The following NEIL3 variants were observed in gnomAD, a reference collection of about 807,000 sequenced individuals.
NEIL3 encodes nei like DNA glycosylase 3.
Under a neutral mutation model 57.5 loss-of-function variants are expected in NEIL3, and 48 were observed. That is an observed-to-expected ratio of 0.83 (90% CI 0.66 to 1.06). NEIL3 has a LOEUF of 1.06. NEIL3 is among the 50% of genes least tolerant of loss of function. The probability of loss-of-function intolerance (pLI) is 0.00; values close to 1 mark genes in which losing one functional copy is unlikely to be tolerated. For synonymous variants in NEIL3, 261 were observed against 253.2 expected (o/e 1.03, Z -0.29); for missense variants, 717 against 739.1 (o/e 0.97, Z 0.35).
At chr4:177,357,884 T>G (rs1735510712) in intron 8 of NEIL3, among the ~76,000 whole-genome samples, 1 of 152,188 alleles carries the variant, frequency 6.6e-6, no homozygotes, top group Admixed American at 6.5e-5. Context: ...AAAATCATGG[T>G]CATGATCACG....
chr4:177,310,045 C>G lies in NEIL3; in HGVS notation c.92C>G (p.Ala31Gly). 5.0e-6 allele frequency: 8 copies of G among 1,609,370 alleles called. No individual in the cohort carries two copies. The highest frequency in any genetic ancestry group is 6.8e-6 in the Non-Finnish European group (8 of 1,178,548). ...GQAVTGVRGS[A>G]LRSLQGRALR... ...GCGGTGACCGGCGTGCGGGGAAGCG[C>G]TCTGCGGAGTCTGCAGGGCCGCGCC... Residue 31 changes from alanine to glycine, a missense_variant, in exon 1 of 10, where the codon GCT becomes GGT. Transcript: ENST00000264596.
At chr4:177,363,785 C>CT (rs1170037942), downstream of NEIL3, among the ~76,000 whole-genome samples, 1 of 152,136 alleles carries the variant, frequency 6.6e-6, no homozygotes, top group Non-Finnish European at 1.5e-5. Flanking sequence ...GGGTCTCACT[C>CT]TGTCCCCCAG....
Position 177,349,158 on chromosome 4 carries a change from A to C in NEIL3, c.870-2222A>C, listed in dbSNP as rs1182295959. Among the ~76,000 whole-genome samples, 28 of 151,194 alleles carry C rather than the reference A, an allele frequency of 1.9e-4. 1 individual carries two copies. Among genetic ancestry groups the C allele is most frequent in the Non-Finnish European group, 1.5e-5 (1 of 67,950 alleles). ...CGGCCTCCCAAAGTGCTGGGATTAC[A>C]GGCGTGAGCCACCGCGCCCGGCCTC... On this transcript the variant is annotated intron_variant, in intron 6 of 9. Coordinates refer to ENST00000264596, the MANE Select transcript of NEIL3 (RefSeq NM_018248.3).
chr4:177,349,799 C>T (rs920972735), intron 6 of NEIL3, among the ~76,000 whole-genome samples: 1 of 152,114 alleles, frequency 6.6e-6, no homozygotes, highest in Non-Finnish European at 1.5e-5. Context: ...CCATATGTAA[C>T]AATAAAATTC....
chr4:177,315,068 CAAA>C (rs61100906), intron 1 of NEIL3, among the ~76,000 whole-genome samples: 12,493 of 106,362 alleles, frequency 0.12, 837 homozygotes, highest in East Asian at 0.3. Flanking sequence ...GACTCCGTCT[CAAA>C]AAAAAAAAAA....
At chr4:177,316,028 C>T (rs1734567794) in intron 1 of NEIL3, among the ~76,000 whole-genome samples, 1 of 152,080 alleles carries the variant, frequency 6.6e-6, no homozygotes, top group Non-Finnish European at 1.5e-5. Flanking sequence ...AGTATCGAAC[C>T]CTATATATGC....
intron 8 of NEIL3, among the ~76,000 whole-genome samples, chr4:177,359,541 T>TA (rs1245228586): frequency 6.6e-6 from 1 of 152,134 alleles, no homozygotes; most frequent in African/African-American, 2.4e-5. Flanking sequence ...AGTTTTTTTT[T>TA]AACAATTATT....
chr4:177,360,824 T>C, intron 9 of NEIL3, 147 bp downstream of exon 9: 1 of 571,948 alleles, frequency 1.7e-6, no homozygotes, highest in Non-Finnish European at 2.9e-6. Flanking sequence ...GCTTGAATGT[T>C]GACTAACTTA....
At chr4:177,311,080 T>C (rs963848072) in intron 1 of NEIL3, among the ~76,000 whole-genome samples, 2 of 152,198 alleles carry the variant, frequency 1.3e-5, no homozygotes, top group Non-Finnish European at 2.9e-5. Context: ...TTTTTTATTA[T>C]TGTTATAGTG....
intron 1 of NEIL3, among the ~76,000 whole-genome samples, chr4:177,317,607 T>C (rs1734600278): frequency 7.5e-6 from 1 of 133,954 alleles, no homozygotes; most frequent in Admixed American, 7.4e-5. Flanking sequence ...CTTTTTTTTT[T>C]TTTTTTTTTT....
intron 1 of NEIL3, among the ~76,000 whole-genome samples, chr4:177,321,060 G>T (rs924586127): frequency 6.6e-6 from 1 of 151,996 alleles, no homozygotes; most frequent in African/African-American, 2.4e-5. Flanking sequence ...GAATAGAGTG[G>T]ACATGTCATC....
intron 2 of NEIL3, among the ~76,000 whole-genome samples, chr4:177,334,387 A>T (rs1734937223): frequency 1.3e-5 from 2 of 152,232 alleles, no homozygotes; most frequent in Admixed American, 6.5e-5. Flanking sequence ...TATAAGTCAG[A>T]GCCATACTTA....
chr4:177,369,224 G>T, the NEIL3 span, among the ~76,000 whole-genome samples: 1 of 152,150 alleles, frequency 6.6e-6, no homozygotes, highest in Non-Finnish European at 1.5e-5. Context: ...CAGGAAAGAG[G>T]TAGGAAAGAG....
intron 1 of NEIL3, among the ~76,000 whole-genome samples, chr4:177,315,687 TAAAAC>T (rs1734561054): frequency 6.6e-6 from 1 of 152,196 alleles, no homozygotes; most frequent in South Asian, 2.1e-4. Context: ...CAATAGCTCT[TAAAAC>T]AAGTAGAACA....
At chr4:177,329,267 A>G (rs185264826) in intron 2 of NEIL3, among the ~76,000 whole-genome samples, 22 of 152,326 alleles carry the variant, frequency 1.4e-4, no homozygotes, top group African/African-American at 4.8e-4. Flanking sequence ...AAATAATCAC[A>G]TTAAATATAA....
At chr4:177,328,513 A>G (rs1011576294) in intron 2 of NEIL3, among the ~76,000 whole-genome samples, 8 of 152,222 alleles carry the variant, frequency 5.3e-5, no homozygotes, top group African/African-American at 1.9e-4. Flanking sequence ...GAAATTATGT[A>G]AGACAGAAGA....
At chr4:177,326,236 G>A (rs1222585188) in intron 2 of NEIL3, among the ~76,000 whole-genome samples, 2 of 152,092 alleles carry the variant, frequency 1.3e-5, no homozygotes, top group Non-Finnish European at 2.9e-5. Context: ...ATGGTACAAG[G>A]CAGGAGCTGG....
intron 6 of NEIL3, among the ~76,000 whole-genome samples, chr4:177,348,756 G>A (rs939073596): frequency 2.7e-5 from 4 of 150,884 alleles, no homozygotes; most frequent in African/African-American, 9.7e-5. Flanking sequence ...AAAAGGAAGT[G>A]TTAAGGATGA....
intron 2 of NEIL3, among the ~76,000 whole-genome samples, chr4:177,328,526 A>G (rs1201827235): frequency 6.6e-6 from 1 of 152,224 alleles, no homozygotes; most frequent in Admixed American, 6.5e-5. Context: ...ACAGAAGACA[A>G]CAGAGCAACG....
Sources: allele counts gnomAD v4.1 joint callset (sites outside exome capture counted in the v4.1 genomes callset), GRCh38; gene constraint gnomAD v4.1.1; transcripts MANE v1.5; gene names NCBI Gene and HGNC (gene_info 2026-07-23, HGNC 2026-07-21).